Variants in SLC22A15 observed in about 807,000 individuals in gnomAD.
The protein encoded by SLC22A15 is solute carrier family 22 member 15.
SLC22A15 carries 45 observed loss-of-function variants against 62.7 expected under a neutral mutation model. That is an observed-to-expected ratio of 0.72 (90% confidence interval 0.56 to 0.92). SLC22A15 has a LOEUF of 0.92. Among genes scored for constraint, SLC22A15 ranks in the 40% least tolerant of loss-of-function variants. SLC22A15 has a pLI of 0.00. For missense variants in SLC22A15, 622 were observed against 665.6 expected (o/e 0.93, Z 0.72); for synonymous variants, 264 against 267.0 (o/e 0.99, Z 0.11).
intron 2 of SLC22A15, among the ~76,000 whole-genome samples, chr1:116,005,671 C>T (rs997619763): frequency 2.6e-5 from 4 of 151,926 alleles, no homozygotes; most frequent in African/African-American, 9.7e-5. Context: ...GTACTGATAC[C>T]ACCACTCCTA....
At chr1:115,980,399 A>G (rs779343449) in intron 1 of SLC22A15, among the ~76,000 whole-genome samples, 1 of 152,204 alleles carries the variant, frequency 6.6e-6, no homozygotes, top group Non-Finnish European at 1.5e-5. Context: ...GTTTACTGCA[A>G]CACTGTCTAT....
At chr1:116,060,535 A>C (rs1393864825) in intron 8 of SLC22A15, among the ~76,000 whole-genome samples, 2 of 152,312 alleles carry the variant, frequency 1.3e-5, no homozygotes, top group South Asian at 2.1e-4. Flanking sequence ...TTAAAGATGT[A>C]TAGTGCCTCC....
At chr1:116,016,389 G>T (rs1175553045) in intron 2 of SLC22A15, among the ~76,000 whole-genome samples, 12 of 144,250 alleles carry the variant, frequency 8.3e-5, no homozygotes, top group Non-Finnish European at 1.8e-4. Flanking sequence ...ACCACACCCA[G>T]CTAATTTTTG....
intron 4 of SLC22A15, among the ~76,000 whole-genome samples, chr1:116,023,378 A>G (rs1410636327): frequency 6.6e-6 from 1 of 152,230 alleles, no homozygotes; most frequent in African/African-American, 2.4e-5. Context: ...ATGTCTTCAT[A>G]TAACAATTCA....
intron 2 of SLC22A15, among the ~76,000 whole-genome samples, chr1:116,005,921 A>G (rs936854572): frequency 2.6e-5 from 4 of 152,178 alleles, no homozygotes; most frequent in Non-Finnish European, 5.9e-5. Context: ...ATTCATTATT[A>G]CTAGTCAATA....
At chr1:116,031,990 T>C (rs2101443690) in intron 6 of SLC22A15, 1 of 1,058,978 alleles carries the variant, frequency 9.4e-7, no homozygotes, top group Admixed American at 5.0e-5. Flanking sequence ...AGCAGTTTGC[T>C]AGCACATTCT....
At chr1:116,055,367 T>A (rs1043070909) in intron 8 of SLC22A15, among the ~76,000 whole-genome samples, 1 of 151,362 alleles carries the variant, frequency 6.6e-6, no homozygotes, top group Non-Finnish European at 1.5e-5. Flanking sequence ...AGAAGTTGAA[T>A]CTCTGAATAG....
Position 115,986,776 on chromosome 1 carries a change from A to C in SLC22A15, c.88-5255A>C, listed in dbSNP as rs555609242. Among the ~76,000 whole-genome samples, 6 of 152,350 alleles carry C rather than the reference A, an allele frequency of 3.9e-5. No individual in the cohort carries two copies. In the South Asian group the frequency reaches 1.2e-3, roughly 32 times the overall value. On this transcript the variant is annotated intron_variant, in intron 1 of 11. Transcript: ENST00000369503. ...CTATTTGTACAGTGCTATGCAATTCACTGTTGACTATGGAGGAATCCCACT... is the reference window on the plus strand; with the variant it reads ...CTATTTGTACAGTGCTATGCAATTCCCTGTTGACTATGGAGGAATCCCACT...
At chr1:116,062,532 C>G (rs1262275255) in intron 8 of SLC22A15, among the ~76,000 whole-genome samples, 2 of 152,190 alleles carry the variant, frequency 1.3e-5, no homozygotes, top group African/African-American at 4.8e-5. Context: ...GAAAGTTTAT[C>G]ACACTTAATG....
chr1:116,001,980 A>G (rs2101144679), intron 2 of SLC22A15, among the ~76,000 whole-genome samples: 1 of 152,272 alleles, frequency 6.6e-6, no homozygotes, highest in Non-Finnish European at 1.5e-5. Flanking sequence ...CTTTCTTGAG[A>G]AGGCTTTCAA....
At chr1:116,012,332 G>T (rs1444394713) in intron 2 of SLC22A15, among the ~76,000 whole-genome samples, 1 of 151,990 alleles carries the variant, frequency 6.6e-6, no homozygotes, top group Admixed American at 6.6e-5. Context: ...CTTGCTCTTT[G>T]GTCTTCCTAA....
At chr1:115,983,388 T>C (rs1443594907) in intron 1 of SLC22A15, among the ~76,000 whole-genome samples, 1 of 152,230 alleles carries the variant, frequency 6.6e-6, no homozygotes, top group Non-Finnish European at 1.5e-5. Context: ...GTGTCAGTCA[T>C]AGTTCTACTG....
At position 116,001,231 on chromosome 1, in the gene SLC22A15, T is replaced by C. The variant is rs912356673; in HGVS notation, c.300+8988T>C. On this transcript the variant is annotated intron_variant, in intron 2 of 11. Coordinates refer to ENST00000369503, the MANE Select transcript of SLC22A15 (RefSeq NM_018420.3). The stretch of plus-strand genomic sequence containing the variant: ...GAGCTCCTTTATATGTAATTTTTTT[T>C]TCTTTTCTCTTGCTGCTTTTAGAAC... 2.9e-4 allele frequency among the ~76,000 whole-genome samples: 44 copies of C among 152,188 alleles called. 1 individual carries two copies. The highest frequency in any genetic ancestry group is 1.5e-5 in the Non-Finnish European group (1 of 68,032).
chr1:115,978,741 C>A (rs10923924), intron 1 of SLC22A15, among the ~76,000 whole-genome samples: 10,567 of 152,212 alleles, frequency 0.069, 1,247 homozygotes, highest in African/African-American at 0.24. Context: ...TTTTGTATTA[C>A]GGCAGCTGGT....
chr1:115,985,963 A>AG (rs1355647352), intron 1 of SLC22A15, among the ~76,000 whole-genome samples: 2 of 141,792 alleles, frequency 1.4e-5, no homozygotes, highest in African/African-American at 2.5e-5. Context: ...AAAAAAAAAA[A>AG]GAGAGAGAAA....
Position 116,011,190 on chromosome 1 carries a change from A to T in SLC22A15, c.301-8392A>T, listed in dbSNP as rs560341525. Among the ~76,000 whole-genome samples the T allele has an allele frequency of 2.6e-5, 4 of 152,274 alleles. No homozygotes were observed. The South Asian group carries it at 6.2e-4, about 24-fold the overall frequency. ...CCCTGCCTGGCTTGCAGGTTCCTTG[A>T]TATACTGTGAATCATCCATGGCACA... On this transcript the variant is annotated intron_variant, in intron 2 of 11. Coordinates refer to ENST00000369503, the MANE Select transcript of SLC22A15 (RefSeq NM_018420.3).
chr1:115,992,920 T>C (rs909370947), intron 2 of SLC22A15, among the ~76,000 whole-genome samples: 23 of 152,126 alleles, frequency 1.5e-4, no homozygotes, highest in Non-Finnish European at 3.1e-4. Context: ...CCACCGCGCC[T>C]GGCCTATAGT....
At chr1:116,012,215 A>G (rs190414573) in intron 2 of SLC22A15, among the ~76,000 whole-genome samples, 1 of 152,290 alleles carries the variant, frequency 6.6e-6, no homozygotes, top group Admixed American at 6.5e-5. Context: ...CACAGGAAAA[A>G]ACGGAAGCAG....
chr1:116,031,470 C>A lies in SLC22A15; in HGVS notation c.833C>A (p.Thr278Lys). ...AAGAGGAACCGCAAACTCAAGTGCA[C>A]GTTCTCACTAACACACCCAGCCAAC... ...IAKRNRKLKCTFSLTHPANRS... is the reference protein window; with the variant it reads ...IAKRNRKLKCKFSLTHPANRS... Residue 278 changes from threonine (T) to lysine (K), a missense_variant, in exon 6 of 12, where the codon ACG becomes AAG. Coordinates refer to ENST00000369503, the MANE Select transcript of SLC22A15 (RefSeq NM_018420.3). The A allele has an allele frequency of 1.2e-6, 2 of 1,613,982 alleles. 1 individual carries two copies. Among genetic ancestry groups the A allele is most frequent in the Admixed American group, 3.3e-5 (2 of 60,020 alleles).
Sources: gnomAD v4.1 joint callset for allele counts (sites outside exome capture counted in the v4.1 genomes callset) on GRCh38, gnomAD v4.1.1 for gene constraint, MANE v1.5 for transcripts, NCBI Gene and HGNC (gene_info 2026-07-23, HGNC 2026-07-21) for gene names.